The following GDPGP1 variants were observed in gnomAD, a reference collection of about 807,000 sequenced individuals.
The protein encoded by GDPGP1 is GDP-D-glucose phosphorylase 1.
In GDPGP1, 18 loss-of-function variants were observed where a neutral mutation model predicts 19.2. The observed-to-expected ratio is 0.94, with a 90% confidence interval of 0.65 to 1.39. The LOEUF (loss-of-function observed/expected upper bound fraction) is 1.39. GDPGP1 is among the 40% of genes most tolerant of loss of function. The pLI is 0.00. For missense variants in GDPGP1, 449 were observed against 490.5 expected (o/e 0.92, Z 0.80); for synonymous variants, 219 against 208.9 (o/e 1.05, Z -0.42).
At position 90,236,846 on chromosome 15, in the gene GDPGP1, C is replaced by A. The variant is rs543599254; in HGVS notation, c.-66-1646C>A. On this transcript the variant is annotated intron_variant, in intron 2 of 3. Coordinates refer to ENST00000329600, the MANE Select transcript of GDPGP1 (RefSeq NM_001013657.3). ...CTCTCATGGTAGATTATTAAATGGG[C>A]AGTCTGAATCATTTGGTAGTCCTCG... Among the ~76,000 whole-genome samples the A allele has an allele frequency of 7.8e-4, 119 of 152,222 alleles. No individual in the cohort carries two copies. The Middle Eastern group carries it at 0.01, about 13-fold the overall frequency.
At chr15:90,239,664 C>T (rs1482927830) in intron 3 of GDPGP1, among the ~76,000 whole-genome samples, 2 of 152,142 alleles carry the variant, frequency 1.3e-5, no homozygotes, top group African/African-American at 4.8e-5. Flanking sequence ...TTATAGGAAC[C>T]ACAAGATGAA....
rs762090432 is a variant in GDPGP1 at position 90,241,666 on chromosome 15, C to A, written c.758C>A (p.Pro253His). The change falls in exon 4 of 4, where the codon CCT becomes CAT. Residue 253 changes from proline to histidine, a missense_variant. Transcript: ENST00000329600. ...CATCTGCTCCAGGACCTCCCAGCTC[C>A]TGGCTTCCTCTTTTACACTCGTGGG... ...HLHLLQDLPA[P>H]GFLFYTRGPG... 1.2e-6 allele frequency: 2 copies of A among 1,614,124 alleles called. No homozygotes were observed. The highest frequency in any genetic ancestry group is 2.7e-5 in the African/African-American group (2 of 74,950).
intron 3 of GDPGP1, among the ~76,000 whole-genome samples, chr15:90,238,942 C>A (rs1262994288): frequency 6.6e-6 from 1 of 152,042 alleles, no homozygotes; most frequent in Non-Finnish European, 1.5e-5. Flanking sequence ...CAAAACAAAA[C>A]AAAATAAAAC....
chr15:90,243,270 G>C lies in GDPGP1; in HGVS notation c.*1204G>C, dbSNP rs1277097972. 1 of 152,166 alleles carries C rather than the reference G, an allele frequency of 6.6e-6. No individual in the cohort carries two copies. Among genetic ancestry groups the C allele is most frequent in the Non-Finnish European group, 1.5e-5 (1 of 68,074 alleles). The allele number at this position is 152,166 out of a possible 1,614,324, so 9.4% of individuals were successfully genotyped here. A position where few individuals can be genotyped will look rare whatever the true frequency, so the allele number is the denominator to read the frequency against. On this transcript the variant is annotated 3_prime_UTR_variant, in exon 4 of 4. Transcript: ENST00000329600. ...ACTCCTTCACTTTCCCTGCCACCTTGAGCTTTCCTCTAGCCCCCAACACCA... is the reference window on the plus strand; with the variant it reads ...ACTCCTTCACTTTCCCTGCCACCTTCAGCTTTCCTCTAGCCCCCAACACCA...
In GDPGP1 at chr15:90,241,620, C is replaced by T. The variant is rs112078428; in HGVS notation, c.712C>T (p.Leu238=). 79 of 1,614,134 alleles carry T rather than the reference C, an allele frequency of 4.9e-5. 1 individual carries two copies. In the African/African-American group the frequency reaches 5.6e-4, roughly 11 times the overall value. The change falls in exon 4 of 4, where the codon CTG becomes TTG. Residue 238 remains leucine, a synonymous_variant. Transcript: ENST00000329600. ...LPVEQAPSEP[L]DPGGHLHLLQ... ...CGTGGAGCAGGCGCCAAGCGAGCCC[C>T]TGGACCCTGGAGGCCATTTGCATCT... is the stretch of plus-strand genomic sequence containing the variant.
At chr15:90,237,422 C>T (rs1407945700) in intron 2 of GDPGP1, among the ~76,000 whole-genome samples, 1 of 151,496 alleles carries the variant, frequency 6.6e-6, no homozygotes, top group Non-Finnish European at 1.5e-5. Context: ...GCTGGGACTA[C>T]AGGTGTGTGC....
In GDPGP1 at chr15:90,242,796, A is replaced by T. The variant is rs1227895295; in HGVS notation, c.*730A>T. ...TGAGTCCCTTTCCAGAGCACTGTCC[A>T]TCATAGTCCTTTGGACATTTATTTT... On this transcript the variant is annotated 3_prime_UTR_variant, in exon 4 of 4. Coordinates refer to ENST00000329600, the MANE Select transcript of GDPGP1 (RefSeq NM_001013657.3). 6.6e-6 allele frequency: 1 copy of T among 152,254 alleles called. No individual in the cohort carries two copies. Among genetic ancestry groups the T allele is most frequent in the Non-Finnish European group, 1.5e-5 (1 of 68,076 alleles). 9.4% of individuals were successfully genotyped at this position (152,254 alleles called of 1,614,324 possible).
chr15:90,235,013 T>C (rs1052955947), intron 2 of GDPGP1, among the ~76,000 whole-genome samples: 1 of 152,206 alleles, frequency 6.6e-6, no homozygotes, highest in African/African-American at 2.4e-5. Flanking sequence ...AATCTGAGTA[T>C]GTTAGTCTCA....
rs1227024322 is a variant in GDPGP1, at chr15:90,241,804, A to G, written c.896A>G (p.Lys299Arg). The change falls in exon 4 of 4, where the codon AAG becomes AGG. Residue 299 changes from lysine to arginine, a missense_variant. Physicochemically the swap from Lys to Arg is conservative, Grantham distance 26 (BLOSUM62 2). Coordinates refer to ENST00000329600, the MANE Select transcript of GDPGP1 (RefSeq NM_001013657.3). ...LFVTRGAPPG[K>R]TSPSSALTGV... The stretch of plus-strand genomic sequence containing the variant: ...GTCACCCGGGGAGCTCCGCCGGGAA[A>G]GACATCACCTTCCTCAGCCCTCACA... 1.9e-6 allele frequency: 3 copies of G among 1,614,136 alleles called. No individual in the cohort carries two copies. The highest frequency in any genetic ancestry group is 8.5e-7 in the Non-Finnish European group (1 of 1,180,056).
rs1962799033 is a variant in GDPGP1, at chr15:90,243,068, CTTTACA to C, written c.*1007_*1012del. On this transcript the variant is annotated 3_prime_UTR_variant, in exon 4 of 4. Transcript: ENST00000329600. ...GTGTGTGACAGTTACACACTCCTGA[CTTTACA>C]TTTAGATTTTGTCTTCCTTTGATAT... is the stretch of plus-strand genomic sequence containing the variant. 1 of 152,208 alleles carries C rather than the reference CTTTACA, an allele frequency of 6.6e-6. No homozygotes were observed. Among genetic ancestry groups the C allele is most frequent in the African/African-American group, 2.4e-5 (1 of 41,452 alleles). 9.4% of individuals were successfully genotyped at this position (152,208 alleles called of 1,614,324 possible).
At chr15:90,234,873 G>A (rs557135093) in intron 2 of GDPGP1, among the ~76,000 whole-genome samples, 1 of 152,310 alleles carries the variant, frequency 6.6e-6, no homozygotes, top group East Asian at 1.9e-4. Flanking sequence ...ATAAATGAAT[G>A]AACGTATACT....
intron 2 of GDPGP1, among the ~76,000 whole-genome samples, chr15:90,237,076 A>G (rs1049563097): frequency 6.6e-6 from 1 of 151,818 alleles, no homozygotes; most frequent in Non-Finnish European, 1.5e-5. Context: ...CTCCTGCCTT[A>G]GCCTCCCGAG....
intron 2 of GDPGP1, among the ~76,000 whole-genome samples, chr15:90,237,217 C>T (rs922537835): frequency 3.3e-5 from 5 of 151,992 alleles, no homozygotes; most frequent in African/African-American, 1.2e-4. Context: ...CCTTGGCCCC[C>T]CAGAGTGCTG....
rs1962835029 is a variant in GDPGP1, at chr15:90,244,991, G to A, written c.*2925G>A. 6.6e-6 allele frequency: 1 copy of A among 152,298 alleles called. No homozygotes were observed. Among genetic ancestry groups the A allele is most frequent in the African/African-American group, 2.4e-5 (1 of 41,436 alleles). 9.4% of individuals were successfully genotyped at this position (152,298 alleles called of 1,614,324 possible). On this transcript the variant is annotated 3_prime_UTR_variant, in exon 4 of 4. Transcript: ENST00000329600. ...CTGTCTGAGTGGGCTCACCCAGGAG[G>A]GGTTTTGATTTCTCTGCCTCCCAAA... is the stretch of plus-strand genomic sequence containing the variant.
intron 2 of GDPGP1, among the ~76,000 whole-genome samples, chr15:90,237,122 C>G (rs1962651601): frequency 6.6e-6 from 1 of 151,480 alleles, no homozygotes; most frequent in Non-Finnish European, 1.5e-5. Flanking sequence ...CCACACCTGG[C>G]TAATTTTTTT....
chr15:90,241,783 C>T lies in GDPGP1; in HGVS notation c.875C>T (p.Thr292Ile), dbSNP rs774764256. ...DHEIAHNLFV[T>I]RGAPPGKTSP... ...GAGATTGCTCATAACTTGTTTGTCA[C>T]CCGGGGAGCTCCGCCGGGAAAGACA... The change falls in exon 4 of 4, where the codon ACC becomes ATC. Residue 292 changes from threonine (T) to isoleucine (I), a missense_variant. By Grantham distance (89) the Thr-to-Ile change is moderately conservative. Coordinates refer to ENST00000329600, the MANE Select transcript of GDPGP1 (RefSeq NM_001013657.3). 13 of 1,614,232 alleles carry T rather than the reference C, an allele frequency of 8.1e-6. No individual in the cohort carries two copies. Among genetic ancestry groups the T allele is most frequent in the Non-Finnish European group, 1.1e-5 (13 of 1,180,050 alleles).
In GDPGP1 at chr15:90,241,948, TC is replaced by T; in HGVS notation, c.1041del (p.Phe347LeufsTer4). The T allele has an allele frequency of 6.2e-7, 1 of 1,614,136 alleles. No individual in the cohort carries two copies. Among genetic ancestry groups the T allele is most frequent in the Non-Finnish European group, 8.5e-7 (1 of 1,180,006 alleles). On this transcript the variant is annotated frameshift_variant, in exon 4 of 4. Coordinates refer to ENST00000329600, the MANE Select transcript of GDPGP1 (RefSeq NM_001013657.3). LOFTEE classifies it high-confidence loss of function. ...CTCCCTGTCAAAACATCCCAGGACT[TC>T]AGCAGCCTGACAGAGGCAGCTGCTG... ...GHLPVKTSQDFSSLTEAAAVA... is the reference protein window; with the variant it reads ...GHLPVKTSQDXSSLTEAAAVA...
Position 90,237,018 on chromosome 15 carries a change from G to A in GDPGP1, c.-66-1474G>A, listed in dbSNP as rs1330005054. On this transcript the variant is annotated intron_variant, in intron 2 of 3. Transcript: ENST00000329600. ...TCTGTCACCAGGCTGGAGTGCAGTG[G>A]TGCGATCTTAGCTCACTGCAACCTC... Among the ~76,000 whole-genome samples, 4 of 151,918 alleles carry A rather than the reference G, an allele frequency of 2.6e-5. No individual in the cohort carries two copies. In the East Asian group the frequency reaches 5.8e-4, roughly 22 times the overall value.
Position 90,241,316 on chromosome 15 carries a change from C to A in GDPGP1, c.408C>A (p.Phe136Leu), listed in dbSNP as rs1453701861. The change falls in exon 4 of 4, where the codon TTC becomes TTA. Residue 136 changes from phenylalanine to leucine, a missense_variant. By Grantham distance (22) the Phe-to-Leu change is conservative (BLOSUM62 0). Transcript: ENST00000329600. ...FNKIRPGEVL[F>L]RLHREPDLPG... ...AGATCCGGCCCGGAGAAGTCCTCTT[C>A]CGTTTGCACCGGGAGCCTGATCTCC... The A allele has an allele frequency of 1.2e-6, 2 of 1,614,118 alleles. No individual in the cohort carries two copies. The highest frequency in any genetic ancestry group is 2.7e-5 in the African/African-American group (2 of 74,948).
Sources: allele counts gnomAD v4.1 joint callset (sites outside exome capture counted in the v4.1 genomes callset), GRCh38; gene constraint gnomAD v4.1.1; transcripts MANE v1.5; gene names NCBI Gene and HGNC (gene_info 2026-07-23, HGNC 2026-07-21).